VPS13C: variants seen among roughly 807,000 people sequenced by gnomAD.
VPS13C encodes vacuolar protein sorting 13 homolog C.
VPS13C carries 358 observed loss-of-function variants against 456.8 expected under a neutral mutation model. That is an observed-to-expected ratio of 0.78 (90% CI 0.72 to 0.86). The LOEUF is 0.86. VPS13C is among the 40% of genes least tolerant of loss of function. VPS13C has a pLI of 0.00. For missense variants in VPS13C, 4,818 were observed against 4,385.4 expected (o/e 1.10, Z -2.79); for synonymous variants, 1,578 against 1,486.7 (o/e 1.06, Z -1.41).
chr15:61,875,405 A>C lies in VPS13C; in HGVS notation c.10338+327T>G, dbSNP rs565962250. On this transcript the variant is annotated intron_variant, in intron 76 of 84. Transcript: ENST00000644861. ...GGGGAATAGGTTAGATGACAGCTTG[A>C]ATATGAAACAAACTTTGCTTTCAGT... Among the ~76,000 whole-genome samples the C allele has an allele frequency of 9.2e-5, 14 of 152,126 alleles. No individual in the cohort carries two copies. The South Asian group carries it at 2.7e-3, about 29-fold the overall frequency.
intron 40 of VPS13C, 116 bp downstream of exon 40, chr15:61,950,829 T>A: frequency 1.4e-6 from 1 of 708,032 alleles, no homozygotes; most frequent in Admixed American, 3.5e-5. Context: ...AAATTCACCA[T>A]AATCAATAAG....
intron 15 of VPS13C, among the ~76,000 whole-genome samples, chr15:62,001,760 T>C (rs1343979258): frequency 6.6e-6 from 1 of 152,166 alleles, no homozygotes; most frequent in Admixed American, 6.5e-5. Flanking sequence ...TGAGTGAGAA[T>C]ATGCGGTGTT....
rs770479344 is a variant in VPS13C, at chr15:61,915,765, G to C, written c.8313C>G (p.Pro2771=). 7 of 1,614,114 alleles carry C rather than the reference G, an allele frequency of 4.3e-6. No homozygotes were observed. The highest frequency in any genetic ancestry group is 4.5e-5 in the East Asian group (2 of 44,876). ...GGGTAGTCTTGTTGATTAACCAATAGGGACTAAAGACAGACAGCACCATCC... is the reference window on the plus strand; with the variant it reads ...GGGTAGTCTTGTTGATTAACCAATACGGACTAAAGACAGACAGCACCATCC... ...GSRMVLSVFS[P]YWLINKTTRV... is the part of the protein sequence containing the mutation. The change falls in exon 61 of 85, where the codon CCC becomes CCG. Residue 2771 remains proline, a synonymous_variant. Transcript: ENST00000644861.
intron 3 of VPS13C, among the ~76,000 whole-genome samples, chr15:62,037,291 T>C (rs1252027179): frequency 2.7e-5 from 2 of 72,858 alleles, no homozygotes; most frequent in Non-Finnish European, 4.6e-5. Flanking sequence ...ATATATATTA[T>C]ATTATATAAT....
At chr15:62,045,228 C>T (rs951718253) in intron 1 of VPS13C, among the ~76,000 whole-genome samples, 7 of 152,088 alleles carry the variant, frequency 4.6e-5, no homozygotes, top group Non-Finnish European at 1.0e-4. Context: ...AAGGCACTCA[C>T]GGCTTAGCAG....
chr15:62,004,642 T>C (rs1274230430), intron 15 of VPS13C, among the ~76,000 whole-genome samples: 1 of 151,948 alleles, frequency 6.6e-6, no homozygotes, highest in African/African-American at 2.4e-5. Context: ...TTTCCTGCTT[T>C]CTCTTGTGGG....
intron 57 of VPS13C, 92 bp from the exon 58 acceptor site, chr15:61,919,541 A>AT: frequency 8.0e-7 from 1 of 1,245,218 alleles, no homozygotes; most frequent in African/African-American, 1.6e-5. Context: ...AATGAAGAGT[A>AT]TTTTTCCTCA....
At chr15:62,020,348 T>C (rs1010779762) in intron 9 of VPS13C, 131 bp downstream of exon 9, 8 of 639,250 alleles carry the variant, frequency 1.3e-5, no homozygotes, top group Admixed American at 1.2e-4. Context: ...TCTAGAAAAG[T>C]TGTTTAGCAT....
chr15:61,949,953 C>T (rs954497589), intron 41 of VPS13C, among the ~76,000 whole-genome samples: 1 of 152,134 alleles, frequency 6.6e-6, no homozygotes, highest in Admixed American at 6.6e-5. Context: ...ACAGGTAATG[C>T]TTGTATGTAA....
chr15:61,991,622 G>GT (rs564551647), intron 17 of VPS13C, 51 bp downstream of exon 17: 537 of 1,501,400 alleles, frequency 3.6e-4, no homozygotes, highest in South Asian at 8.6e-4. Context: ...AATTTACACA[G>GT]TTTTTTTTTA....
chr15:61,994,823 C>T (rs929834329), intron 16 of VPS13C, among the ~76,000 whole-genome samples: 4 of 152,146 alleles, frequency 2.6e-5, no homozygotes, highest in African/African-American at 9.7e-5. Context: ...CTCCTGACCT[C>T]GTGATCTGCC....
intron 67 of VPS13C, among the ~76,000 whole-genome samples, chr15:61,886,989 G>A (rs1259208662): frequency 6.6e-6 from 1 of 152,134 alleles, no homozygotes; most frequent in African/African-American, 2.4e-5. Context: ...TTCCCACCAG[G>A]ATTAGGAACA....
intron 66 of VPS13C, among the ~76,000 whole-genome samples, chr15:61,891,278 G>A (rs564143418): frequency 4.6e-5 from 7 of 152,042 alleles, no homozygotes; most frequent in African/African-American, 7.2e-5. Context: ...TAAGCAGTAC[G>A]AGTACCTACT....
At chr15:61,878,860 G>T in intron 73 of VPS13C, 114 bp from the exon 74 acceptor site, 1 of 1,120,788 alleles carries the variant, frequency 8.9e-7, no homozygotes, top group Non-Finnish European at 1.2e-6. Context: ...GAGTCCTAGT[G>T]AAAGCTATTA....
intron 11 of VPS13C, 83 bp downstream of exon 11, chr15:62,012,956 C>A: frequency 3.5e-6 from 3 of 856,230 alleles, no homozygotes; most frequent in Non-Finnish European, 5.4e-6. Context: ...GGCTGATATC[C>A]TGTCCTCATG....
At chr15:61,972,342 A>G (rs999094305) in intron 27 of VPS13C, among the ~76,000 whole-genome samples, 2 of 152,226 alleles carry the variant, frequency 1.3e-5, no homozygotes, top group Non-Finnish European at 2.9e-5. Flanking sequence ...TTTTCTGCAG[A>G]AAAGTAAGTT....
intron 2 of VPS13C, among the ~76,000 whole-genome samples, chr15:62,042,360 G>C (rs899537032): frequency 3.3e-5 from 5 of 152,040 alleles, no homozygotes; most frequent in African/African-American, 9.7e-5. Flanking sequence ...CGTTAGGTTT[G>C]ACTTACTATA....
intron 54 of VPS13C, 86 bp from the exon 55 acceptor site, chr15:61,922,119 C>A: frequency 7.2e-7 from 1 of 1,388,164 alleles, no homozygotes; most frequent in Non-Finnish European, 1.0e-6. Flanking sequence ...ATTAAGTAAT[C>A]AATGTTATAT....
intron 1 of VPS13C, among the ~76,000 whole-genome samples, chr15:62,057,860 A>T (rs1428842641): frequency 1.3e-5 from 2 of 152,232 alleles, no homozygotes; most frequent in Admixed American, 1.3e-4. Flanking sequence ...CCATTATCAG[A>T]AGAACAGAAT....
Sources: gnomAD v4.1 joint callset for allele counts (sites outside exome capture counted in the v4.1 genomes callset) on GRCh38, gnomAD v4.1.1 for gene constraint, MANE v1.5 for transcripts, NCBI Gene and HGNC (gene_info 2026-07-23, HGNC 2026-07-21) for gene names.